TBC1D1: variants seen among roughly 807,000 people sequenced by gnomAD.
TBC1D1 encodes the protein TBC1 (tre-2/USP6, BUB2, cdc16) domain family, member 1.
In TBC1D1, 89 loss-of-function variants were observed where a neutral mutation model predicts 125.6. The observed-to-expected ratio is 0.71, with a 90% confidence interval of 0.60 to 0.85. The LOEUF is 0.85. Among genes scored for constraint, TBC1D1 ranks in the 40% least tolerant of loss-of-function variants. The pLI, the probability that TBC1D1 is intolerant of heterozygous loss-of-function variation, is 0.00. For synonymous variants in TBC1D1, 565 were observed against 564.1 expected, an observed-to-expected ratio of 1.00 and a Z score of -0.02; for missense variants, 1,377 against 1,469.2, an observed-to-expected ratio of 0.94 and a Z score of 1.03.
At chr4:38,065,644 CTTTTTTTTTTT>C (rs11447003) in intron 12 of TBC1D1, among the ~76,000 whole-genome samples, 1 of 119,674 alleles carries the variant, frequency 8.4e-6, no homozygotes, top group Non-Finnish European at 1.7e-5. Context: ...GTATTACCGC[CTTTTTTTTTTT>C]TTTTTTTTGA....
intron 2 of TBC1D1, chr4:37,960,388 C>T (rs567937739): frequency 6.6e-7 from 1 of 1,505,768 alleles, no homozygotes; most frequent in Admixed American, 2.0e-5. Context: ...TAAAGTGGGA[C>T]CACGGTCTTA....
chr4:38,017,344 T>A (rs1038406274), intron 3 of TBC1D1, among the ~76,000 whole-genome samples: 1 of 152,256 alleles, frequency 6.6e-6, no homozygotes, highest in Non-Finnish European at 1.5e-5. Flanking sequence ...TTTAGAAAGA[T>A]GTTGCATGTT....
intron 10 of TBC1D1, 76 bp downstream of exon 10, chr4:38,045,979 T>C: frequency 1.5e-6 from 2 of 1,293,256 alleles, no homozygotes; most frequent in Admixed American, 1.7e-5. Context: ...TCTACATACC[T>C]CCAATCATAA....
intron 2 of TBC1D1, among the ~76,000 whole-genome samples, chr4:37,946,663 G>A (rs994594498): frequency 3.3e-5 from 5 of 152,170 alleles, no homozygotes; most frequent in Non-Finnish European, 7.4e-5. Flanking sequence ...AGAGGAAGCC[G>A]GGCTGTGAAA....
intron 17 of TBC1D1, among the ~76,000 whole-genome samples, chr4:38,123,349 AGTTTT>A (rs1404659678): frequency 6.6e-6 from 1 of 152,172 alleles, no homozygotes; most frequent in Non-Finnish European, 1.5e-5. Flanking sequence ...TTTACTTTAG[AGTTTT>A]GTTTCTGGAA....
chr4:38,006,974 C>T (rs1740409238), intron 2 of TBC1D1: 1 of 430,692 alleles, frequency 2.3e-6, no homozygotes, highest in Admixed American at 2.6e-5. Context: ...TCTCCTTCTT[C>T]TTGGCCAAGG....
intron 2 of TBC1D1, among the ~76,000 whole-genome samples, chr4:37,970,677 T>C (rs1731847461): frequency 1.3e-5 from 2 of 152,240 alleles, no homozygotes; most frequent in Admixed American, 1.3e-4. Flanking sequence ...TCTATGCCCC[T>C]TGAGGGCAGG....
Position 38,115,848 on chromosome 4 carries a change from T to G in TBC1D1, c.2696T>G (p.Ile899Ser), listed in dbSNP as rs748934787. 1 of 1,614,046 alleles carries G rather than the reference T, an allele frequency of 6.2e-7. No individual in the cohort carries two copies. Among genetic ancestry groups the G allele is most frequent in the Non-Finnish European group, 8.5e-7 (1 of 1,180,038 alleles). Reference sequence around the variant, plus strand: ...CAAGGTCTCAGCTTTGTAGCAGGCATTTTGCTTCTTCATATGAGTGAGGAA... The same window carrying G: ...CAAGGTCTCAGCTTTGTAGCAGGCAGTTTGCTTCTTCATATGAGTGAGGAA... Residue 899 changes from isoleucine to serine, a missense_variant, in exon 16 of 20, where the codon ATT (isoleucine) becomes AGT (serine). Coordinates refer to ENST00000261439, the MANE Select transcript of TBC1D1 (RefSeq NM_015173.4).
intron 11 of TBC1D1, among the ~76,000 whole-genome samples, chr4:38,052,631 T>C (rs929870194): frequency 2.6e-5 from 4 of 151,968 alleles, no homozygotes; most frequent in Non-Finnish European, 5.9e-5. Context: ...CACTGCACCC[T>C]GCTGCAAATT....
rs570166183 is a variant in TBC1D1, at chr4:37,932,687, A to G, written c.417+30175A>G. ...CATGCTGGGCAGTGGCAAAGCTGGG[A>G]CTAGAACCCAGTGCTCCTCTCCTCA... On this transcript the variant is annotated intron_variant, in intron 2 of 19. Coordinates refer to ENST00000261439, the MANE Select transcript of TBC1D1 (RefSeq NM_015173.4). Among the ~76,000 whole-genome samples, 327 of 152,310 alleles carry G rather than the reference A, an allele frequency of 2.1e-3. 3 individuals carry two copies. Among genetic ancestry groups the G allele is most frequent in the African/African-American group, 7.5e-3 (310 of 41,574 alleles).
intron 13 of TBC1D1, among the ~76,000 whole-genome samples, chr4:38,090,986 T>C (rs1758327647): frequency 6.6e-6 from 1 of 152,194 alleles, no homozygotes; most frequent in South Asian, 2.1e-4. Flanking sequence ...AGACACCAAC[T>C]CTGAGGAATA....
At position 37,917,181 on chromosome 4, in the gene TBC1D1, G is replaced by A. The variant is rs967061441; in HGVS notation, c.417+14669G>A. 2.0e-5 allele frequency among the ~76,000 whole-genome samples: 3 copies of A among 151,792 alleles called. No individual in the cohort carries two copies. In the East Asian group the frequency reaches 5.8e-4, roughly 30 times the overall value. On this transcript the variant is annotated intron_variant, in intron 2 of 19. Coordinates refer to ENST00000261439, the MANE Select transcript of TBC1D1 (RefSeq NM_015173.4). ...ACCTATTACAGTTTACCACATATAA[G>A]AAGTTGTGTGGGCCAGGCATGGTGG...
At chr4:38,121,731 T>A (rs1763891187) in intron 17 of TBC1D1, among the ~76,000 whole-genome samples, 1 of 152,100 alleles carries the variant, frequency 6.6e-6, no homozygotes. Flanking sequence ...TTTAAAAAAT[T>A]CCAGAATGTA....
chr4:38,130,401 C>A (rs1183601386), intron 18 of TBC1D1, among the ~76,000 whole-genome samples: 2 of 152,268 alleles, frequency 1.3e-5, no homozygotes, highest in South Asian at 2.1e-4. Flanking sequence ...ATAGTTTTAT[C>A]TTTTCGGCAA....
intron 2 of TBC1D1, among the ~76,000 whole-genome samples, chr4:37,951,144 G>C (rs972298011): frequency 2.0e-5 from 3 of 152,128 alleles, no homozygotes; most frequent in Non-Finnish European, 4.4e-5. Context: ...GTTTGGCCTT[G>C]ATGATTTGAA....
At chr4:37,928,420 T>C (rs2152284699) in intron 2 of TBC1D1, among the ~76,000 whole-genome samples, 1 of 152,286 alleles carries the variant, frequency 6.6e-6, no homozygotes, top group Non-Finnish European at 1.5e-5. Context: ...GATATGTTGA[T>C]ATCAGAGTCA....
intron 2 of TBC1D1, among the ~76,000 whole-genome samples, chr4:37,963,179 C>A (rs1275845747): frequency 2.0e-5 from 3 of 152,174 alleles, no homozygotes; most frequent in Non-Finnish European, 4.4e-5. Flanking sequence ...CAGTATTAGG[C>A]CATTCTTGCA....
At chr4:38,136,316 A>G (rs1766606196) in intron 19 of TBC1D1, among the ~76,000 whole-genome samples, 1 of 152,146 alleles carries the variant, frequency 6.6e-6, no homozygotes. Context: ...CCTCCTCTGT[A>G]GGGTGGAAGA....
intron 2 of TBC1D1, among the ~76,000 whole-genome samples, chr4:37,919,604 T>G (rs2152270221): frequency 6.6e-6 from 1 of 152,298 alleles, no homozygotes; most frequent in South Asian, 2.1e-4. Context: ...AAATACATAT[T>G]TCTCAAAATA....
Sources: allele counts gnomAD v4.1 joint callset (sites outside exome capture counted in the v4.1 genomes callset), GRCh38; gene constraint gnomAD v4.1.1; transcripts MANE v1.5; gene names NCBI Gene and HGNC (gene_info 2026-07-23, HGNC 2026-07-21).